The following QTMAN variants were observed in gnomAD, a reference collection of about 807,000 sequenced individuals.
QTMAN encodes the protein queuosine-tRNA mannosyltransferase.
At chr2:144,035,622 G>A in the QTMAN span, among the ~76,000 whole-genome samples, 1 of 152,070 alleles carries the variant, frequency 6.6e-6, no homozygotes, top group African/African-American at 2.4e-5. Context: ...AATTCACAAG[G>A]GAATTTAACA....
the QTMAN span, among the ~76,000 whole-genome samples, chr2:144,069,310 A>C: frequency 1.3e-5 from 2 of 151,926 alleles, no homozygotes; most frequent in African/African-American, 2.4e-5. Flanking sequence ...AAAAAAAAAA[A>C]AAACACCTAC....
chr2:144,037,138 G>A, the QTMAN span, among the ~76,000 whole-genome samples: 1 of 152,142 alleles, frequency 6.6e-6, no homozygotes, highest in Non-Finnish European at 1.5e-5. Flanking sequence ...TATTTAATAG[G>A]TAAGCAGTTT....
chr2:144,223,056 T>G, the QTMAN span, among the ~76,000 whole-genome samples: 2 of 152,170 alleles, frequency 1.3e-5, no homozygotes, highest in Admixed American at 1.3e-4. Context: ...AAAGGGAATC[T>G]CCAAGCTCTA....
At chr2:144,075,551 T>C in the QTMAN span, among the ~76,000 whole-genome samples, 5 of 152,234 alleles carry the variant, frequency 3.3e-5, no homozygotes, top group Admixed American at 6.5e-5. Flanking sequence ...CAAAGGGAAC[T>C]TGAGGTCACT....
chr2:144,012,837 T>G, the QTMAN span, among the ~76,000 whole-genome samples: 1 of 152,102 alleles, frequency 6.6e-6, no homozygotes, highest in Non-Finnish European at 1.5e-5. Context: ...TGATACAAGA[T>G]TATTCCATAT....
the QTMAN span, among the ~76,000 whole-genome samples, chr2:144,203,150 AGTGTGT>A: frequency 0.092 from 13,410 of 145,556 alleles, 684 homozygotes; most frequent in South Asian, 0.14. Context: ...TACAATGAAG[AGTGTGT>A]GTGTGTGTGT....
the QTMAN span, among the ~76,000 whole-genome samples, chr2:144,295,993 G>A: frequency 1.3e-5 from 2 of 152,154 alleles, no homozygotes; most frequent in Admixed American, 6.5e-5. Flanking sequence ...TTATTTTTCA[G>A]AACACTTTTA....
At chr2:144,160,908 A>G in the QTMAN span, among the ~76,000 whole-genome samples, 1 of 152,160 alleles carries the variant, frequency 6.6e-6, no homozygotes, top group South Asian at 2.1e-4. Flanking sequence ...AAATTCACCT[A>G]ACTCAACCTT....
At chr2:144,307,628 A>T in the QTMAN span, among the ~76,000 whole-genome samples, 1 of 152,246 alleles carries the variant, frequency 6.6e-6, no homozygotes, top group Non-Finnish European at 1.5e-5. Flanking sequence ...AGTCAAAAGC[A>T]TTAATGATTA....
the QTMAN span, among the ~76,000 whole-genome samples, chr2:144,146,627 C>G: frequency 1.3e-5 from 2 of 151,694 alleles, no homozygotes; most frequent in African/African-American, 4.8e-5. Context: ...GAGAAACAAA[C>G]AGAAAGCAAT....
At chr2:144,055,019 G>A in the QTMAN span, among the ~76,000 whole-genome samples, 3 of 152,104 alleles carry the variant, frequency 2.0e-5, no homozygotes, top group Non-Finnish European at 4.4e-5. Context: ...AAGCTTGAAA[G>A]CACATCCAAC....
the QTMAN span, among the ~76,000 whole-genome samples, chr2:144,049,313 A>G: frequency 6.6e-6 from 1 of 152,226 alleles, no homozygotes; most frequent in Non-Finnish European, 1.5e-5. Context: ...GAAGTAGCCT[A>G]TATCTATAAT....
the QTMAN span, among the ~76,000 whole-genome samples, chr2:144,151,494 G>GAA: frequency 6.6e-6 from 1 of 151,950 alleles, no homozygotes; most frequent in South Asian, 2.1e-4. Flanking sequence ...ACAGCAAGAA[G>GAA]AAAAAAAATG....
the QTMAN span, among the ~76,000 whole-genome samples, chr2:144,023,438 G>C: frequency 6.6e-6 from 1 of 152,176 alleles, no homozygotes; most frequent in Non-Finnish European, 1.5e-5. Context: ...AAAATAATTA[G>C]AAGAAAAATC....
the QTMAN span, among the ~76,000 whole-genome samples, chr2:144,150,412 T>G: frequency 1.3e-5 from 2 of 152,092 alleles, no homozygotes; most frequent in African/African-American, 4.8e-5. Flanking sequence ...ATATCTGTAC[T>G]GTCCACATAT....
the QTMAN span, among the ~76,000 whole-genome samples, chr2:144,223,033 G>A: frequency 6.6e-6 from 1 of 152,206 alleles, no homozygotes; most frequent in Non-Finnish European, 1.5e-5. Context: ...AGACTTAGTA[G>A]AGAAATATTT....
the QTMAN span, among the ~76,000 whole-genome samples, chr2:143,952,423 A>G: frequency 6.6e-6 from 1 of 151,510 alleles, no homozygotes; most frequent in East Asian, 1.9e-4. Context: ...AATTGTTTAA[A>G]TAATTTGGTG....
chr2:144,243,519 T>A, the QTMAN span, among the ~76,000 whole-genome samples: 2 of 152,230 alleles, frequency 1.3e-5, no homozygotes, highest in Non-Finnish European at 2.9e-5. Flanking sequence ...GTAATGAAAC[T>A]CTATTGAAGC....
the QTMAN span, among the ~76,000 whole-genome samples, chr2:144,122,048 CT>C: frequency 6.6e-6 from 1 of 152,044 alleles, no homozygotes; most frequent in Non-Finnish European, 1.5e-5. Flanking sequence ...AGAGATGACT[CT>C]TTTTTAATTA....
Sources: gnomAD v4.1 joint callset for allele counts (sites outside exome capture counted in the v4.1 genomes callset) on GRCh38, gnomAD v4.1.1 for gene constraint, MANE v1.5 for transcripts, NCBI Gene and HGNC (gene_info 2026-07-23, HGNC 2026-07-21) for gene names.